The following EBF1 variants were observed in gnomAD, a reference collection of about 807,000 sequenced individuals.
EBF1 encodes EBF transcription factor 1, also known as transcription factor COE1.
A neutral mutation model predicts 68.4 loss-of-function variants in EBF1; 10 were observed. The ratio of observed to expected loss-of-function variants is 0.15; its 90% CI spans 0.09 to 0.25. The LOEUF (loss-of-function observed/expected upper bound fraction) is 0.25, where lower values mean the gene tolerates loss of function less well. EBF1 is among the 10% of genes least tolerant of loss of function. The probability of loss-of-function intolerance (pLI) is 1.00; values close to 1 mark genes in which losing one functional copy is unlikely to be tolerated. For synonymous variants in EBF1, 298 were observed against 299.8 expected (o/e 0.99, Z 0.06); for missense variants, 509 against 794.4 (o/e 0.64, Z 4.32).
chr5:158,879,878 G>A (rs1199342557), intron 6 of EBF1, among the ~76,000 whole-genome samples: 2 of 152,124 alleles, frequency 1.3e-5, no homozygotes, highest in Admixed American at 1.3e-4. Context: ...TGGGCCACAC[G>A]CCTTTCTGTG....
At chr5:158,870,323 T>G (rs1245933974) in intron 6 of EBF1, among the ~76,000 whole-genome samples, 1 of 152,124 alleles carries the variant, frequency 6.6e-6, no homozygotes, top group South Asian at 2.1e-4. Flanking sequence ...GCAATAAAAT[T>G]TCATTTAGCA....
intron 6 of EBF1, among the ~76,000 whole-genome samples, chr5:159,033,841 G>A (rs940457192): frequency 6.6e-6 from 1 of 152,018 alleles, no homozygotes; most frequent in African/African-American, 2.4e-5. Context: ...TCCTCTTTAA[G>A]ACCAAAAAAG....
At chr5:158,707,673 A>AAGAGAAATGATGCTGTTAGTCAGTAG (rs1758164918) in intron 15 of EBF1, 2 of 364,202 alleles carry the variant, frequency 5.5e-6, no homozygotes, top group Non-Finnish European at 1.0e-5. Context: ...AAGAGGAGAA[A>AAGAGAAATGATGCTGTTAGTCAGTAG]AGAGAAATGA....
rs773418011 is a variant in EBF1, at chr5:158,879,707, T to TATA, written c.555-39600_555-39598dup. ...TGCACATGTACCCTAGAACTTAAAG[T>TATA]ATAATAATAATAATAAAAAGAAAAG... On this transcript the variant is annotated intron_variant, in intron 6 of 15. Coordinates refer to ENST00000313708, the MANE Select transcript of EBF1 (RefSeq NM_024007.5). Among the ~76,000 whole-genome samples, 8 of 151,988 alleles carry TATA rather than the reference T, an allele frequency of 5.3e-5. No homozygotes were observed. In the East Asian group the frequency reaches 5.8e-4, roughly 11 times the overall value.
chr5:158,999,315 T>A (rs1490022299), intron 6 of EBF1, among the ~76,000 whole-genome samples: 1 of 152,204 alleles, frequency 6.6e-6, no homozygotes, highest in Non-Finnish European at 1.5e-5. Flanking sequence ...AAATCCCAAA[T>A]TTTCTTCACT....
chr5:159,095,591 C>A, intron 4 of EBF1, 29 bp downstream of exon 4: 3 of 1,612,348 alleles, frequency 1.9e-6, no homozygotes, highest in Non-Finnish European at 2.5e-6. Flanking sequence ...GACATAGAGC[C>A]CCCCGTGGCC....
At chr5:159,053,920 C>T (rs1449591420) in intron 6 of EBF1, among the ~76,000 whole-genome samples, 2 of 152,188 alleles carry the variant, frequency 1.3e-5, no homozygotes, top group Non-Finnish European at 2.9e-5. Context: ...AGGATAAGGA[C>T]CTCGCCTTAG....
At chr5:158,994,641 A>T (rs1301024767) in intron 6 of EBF1, among the ~76,000 whole-genome samples, 1 of 152,224 alleles carries the variant, frequency 6.6e-6, no homozygotes, top group East Asian at 1.9e-4. Flanking sequence ...CAGAAGTCTC[A>T]TAACGAGAGT....
intron 6 of EBF1, among the ~76,000 whole-genome samples, chr5:159,042,574 A>G (rs1584202381): frequency 7.2e-6 from 1 of 139,786 alleles, no homozygotes; most frequent in East Asian, 2.1e-4. Context: ...AAGGAAAAAA[A>G]AAATTCTTTG....
At chr5:158,793,639 G>A (rs1356886314) in intron 9 of EBF1, among the ~76,000 whole-genome samples, 1 of 152,228 alleles carries the variant, frequency 6.6e-6, no homozygotes, top group Non-Finnish European at 1.5e-5. Flanking sequence ...CCTTGGGCAA[G>A]CTTTTTAACC....
At chr5:158,958,366 C>A (rs1455162844) in intron 6 of EBF1, among the ~76,000 whole-genome samples, 1 of 152,124 alleles carries the variant, frequency 6.6e-6, no homozygotes, top group Non-Finnish European at 1.5e-5. Flanking sequence ...AAATCAGATG[C>A]CTCCAATTTG....
rs1766481638 is a variant in EBF1, at chr5:158,741,830, CT to C, written c.1037-10674del. On this transcript the variant is annotated intron_variant, in intron 10 of 15. Transcript: ENST00000313708. Reference sequence around the variant, plus strand: ...CATTCATTCATGTGTATCTTGTCTTCTTTTAATAATTACAACAGCAGCAACA... The same window carrying C: ...CATTCATTCATGTGTATCTTGTCTTCTTTAATAATTACAACAGCAGCAACA... 2.0e-5 allele frequency among the ~76,000 whole-genome samples: 3 copies of C among 152,174 alleles called. No individual in the cohort carries two copies. In the South Asian group the frequency reaches 6.2e-4, roughly 32 times the overall value.
chr5:158,810,654 C>A (rs1782478230), intron 8 of EBF1, among the ~76,000 whole-genome samples: 1 of 152,068 alleles, frequency 6.6e-6, no homozygotes, highest in Non-Finnish European at 1.5e-5. Context: ...ATTAAATAAG[C>A]CAGCAACACA....
chr5:159,085,620 T>A (rs1780484737), intron 4 of EBF1, among the ~76,000 whole-genome samples: 2 of 152,194 alleles, frequency 1.3e-5, no homozygotes, highest in South Asian at 4.1e-4. Flanking sequence ...TACATTTAGC[T>A]AATTTAACAC....
intron 6 of EBF1, among the ~76,000 whole-genome samples, chr5:159,027,768 C>G (rs901613234): frequency 2.0e-5 from 3 of 152,158 alleles, no homozygotes; most frequent in African/African-American, 7.2e-5. Flanking sequence ...TGGTTCCTAC[C>G]CCTCTAGCCG....
At chr5:158,757,323 T>A (rs971308167) in intron 10 of EBF1, among the ~76,000 whole-genome samples, 1 of 152,176 alleles carries the variant, frequency 6.6e-6, no homozygotes, top group Non-Finnish European at 1.5e-5. Flanking sequence ...CTGCAAATGT[T>A]TATAGCCTCC....
At chr5:158,872,255 G>A (rs189562533) in intron 6 of EBF1, among the ~76,000 whole-genome samples, 6 of 151,442 alleles carry the variant, frequency 4.0e-5, no homozygotes, top group South Asian at 4.2e-4. Context: ...GGAGCCCAGC[G>A]GCATGATCTC....
intron 6 of EBF1, among the ~76,000 whole-genome samples, chr5:158,953,578 G>C (rs1237069576): frequency 1.3e-5 from 2 of 152,182 alleles, no homozygotes; most frequent in Non-Finnish European, 2.9e-5. Flanking sequence ...TTTTGAGAAA[G>C]GAGCAGAAGA....
intron 6 of EBF1, among the ~76,000 whole-genome samples, chr5:158,916,227 G>T (rs905764356): frequency 1.3e-5 from 2 of 152,082 alleles, no homozygotes; most frequent in African/African-American, 4.8e-5. Flanking sequence ...GATTCATGTG[G>T]CAGGACAAGT....
Sources: gnomAD v4.1 joint callset for allele counts (sites outside exome capture counted in the v4.1 genomes callset) on GRCh38, gnomAD v4.1.1 for gene constraint, MANE v1.5 for transcripts, NCBI Gene and HGNC (gene_info 2026-07-23, HGNC 2026-07-21) for gene names.